NOS3: variants seen among roughly 807,000 people sequenced by gnomAD.
The protein encoded by NOS3 is NOS type III.
Under a neutral mutation model 144.9 loss-of-function variants are expected in NOS3, and 98 were observed. That is an observed-to-expected ratio of 0.68 (90% confidence interval 0.57 to 0.80). NOS3 has a LOEUF of 0.80. NOS3 is among the 30% of genes least tolerant of loss of function. The pLI is 0.00. For synonymous variants in NOS3, 714 were observed against 702.4 expected (o/e 1.02, Z -0.26); for missense variants, 1,465 against 1,656.4 (o/e 0.88, Z 2.01).
intron 5 of NOS3, among the ~76,000 whole-genome samples, chr7:150,997,425 C>T (rs1802456268): frequency 6.6e-6 from 1 of 152,148 alleles, no homozygotes; most frequent in Non-Finnish European, 1.5e-5. Flanking sequence ...CAGTCCAGTG[C>T]AGCCCCTCAC....
intron 1 of NOS3, among the ~76,000 whole-genome samples, chr7:150,991,739 G>A (rs1311786690): frequency 6.6e-6 from 1 of 152,124 alleles, no homozygotes; most frequent in Non-Finnish European, 1.5e-5. Context: ...CTCACACCTG[G>A]AATCCCAGCC....
At position 150,998,337 on chromosome 7, in the gene NOS3, C is replaced by T. The variant is rs142683800; in HGVS notation, c.583-20C>T. ...CGTCTCTCTCCTCACCCTCCTCTCCCGCTGCCTCGGCTGGCTCAGGTGTTC... is the reference window on the plus strand; with the variant it reads ...CGTCTCTCTCCTCACCCTCCTCTCCTGCTGCCTCGGCTGGCTCAGGTGTTC... On this transcript the variant is annotated intron_variant, in intron 5 of 26. Coordinates refer to ENST00000297494, the MANE Select transcript of NOS3 (RefSeq NM_000603.5). This position sits in a 1 kb window ranked among gnomAD's most constrained non-coding sequence, Gnocchi z 5.0. 4,060 of 1,607,312 alleles carry T rather than the reference C, an allele frequency of 2.5e-3. 9 individuals carry two copies. The highest frequency in any genetic ancestry group is 2.9e-3 in the Non-Finnish European group (3,460 of 1,177,306).
Position 151,013,926 on chromosome 7 carries a change from G to A in NOS3, c.3450+8G>A. The A allele has an allele frequency of 6.3e-7, 1 of 1,597,432 alleles. No individual in the cohort carries two copies. Among genetic ancestry groups the A allele is most frequent in the African/African-American group, 1.3e-5 (1 of 74,686 alleles). On this transcript the variant is annotated splice_region_variant and intron_variant, in intron 26 of 26. Coordinates refer to ENST00000297494, the MANE Select transcript of NOS3 (RefSeq NM_000603.5). ...GTCATCGGCGTGCTGCGGGTGCGGAGGGGCGGGCCGGGCCTGAGCGTGCGG... is the reference window on the plus strand; with the variant it reads ...GTCATCGGCGTGCTGCGGGTGCGGAAGGGCGGGCCGGGCCTGAGCGTGCGG...
In NOS3 at chr7:150,998,281, A is replaced by G; in HGVS notation, c.583-76A>G. ...CCATGGCCCCTGCCTCCTCACCAGC[A>G]GCTCCTCTGGAGCTGATACTCAAGA... On this transcript the variant is annotated intron_variant, in intron 5 of 26. Coordinates refer to ENST00000297494, the MANE Select transcript of NOS3 (RefSeq NM_000603.5). The surrounding 1 kb of genome is among the most constrained non-coding windows in gnomAD (Gnocchi z 5.0). 7.4e-7 allele frequency: 1 copy of G among 1,346,946 alleles called. No individual in the cohort carries two copies. The highest frequency in any genetic ancestry group is 1.0e-6 in the Non-Finnish European group (1 of 961,994). The allele number at this position is 1,346,946 out of a possible 1,614,324, so 83.4% of individuals were successfully genotyped here.
In NOS3 at chr7:150,996,933, TG is replaced by T. The variant is rs760629891; in HGVS notation, c.582+10del. 11 of 1,556,284 alleles carry T rather than the reference TG, an allele frequency of 7.1e-6. No homozygotes were observed. In the South Asian group the frequency reaches 1.3e-4, roughly 18 times the overall value. ...CAGTGGGGGAAGCTGCAGGTGCGGC[TG>T]GCCAGCGACTGAGAGACCCGGGCGC... On this transcript the variant is annotated intron_variant, in intron 5 of 26. Coordinates refer to ENST00000297494, the MANE Select transcript of NOS3 (RefSeq NM_000603.5).
At chr7:151,007,912 C>T (rs1328853499) in intron 17 of NOS3, among the ~76,000 whole-genome samples, 1 of 152,134 alleles carries the variant, frequency 6.6e-6, no homozygotes, top group Admixed American at 6.5e-5. Context: ...GCTGCTGTCC[C>T]GGGGCCCAGG....
rs953325985 is a variant in NOS3, at chr7:151,001,249, G to A, written c.1252G>A (p.Val418Met). The stretch of plus-strand genomic sequence containing the variant: ...CTTCCAGCTAGCCAAAGTCACCATC[G>A]TGGACCACCACGCCGCCACGGCCTC... ...HSYQLAKVTI[V>M]DHHAATASFM... The change falls in exon 11 of 27, where the codon GTG (valine) becomes ATG (methionine). Residue 418 changes from valine (V) to methionine (M), a missense_variant. Physicochemically the swap from Val to Met is conservative, Grantham distance 21. This residue lies in a region of NOS3 where 745 missense variants were observed against 853.9 expected (regional missense o/e 0.87). Coordinates refer to ENST00000297494, the MANE Select transcript of NOS3 (RefSeq NM_000603.5). The A allele has an allele frequency of 1.9e-5, 30 of 1,613,326 alleles. No individual in the cohort carries two copies. Among genetic ancestry groups the A allele is most frequent in the South Asian group, 5.5e-5 (5 of 91,084 alleles).
chr7:150,996,686 T>G, intron 4 of NOS3, 77 bp from the exon 5 acceptor site: 1 of 1,532,008 alleles, frequency 6.5e-7, no homozygotes, highest in Non-Finnish European at 8.9e-7. Context: ...CCCCAGCACT[T>G]GCACAAAGCC....
Position 150,998,051 on chromosome 7 carries a change from C to T in NOS3, c.583-306C>T, listed in dbSNP as rs1338241106. ...ACTCCTAGGCGGCCTCTTAGACATC[C>T]GTTGGTGCCTAACCCAAGCATCAGT... is the stretch of plus-strand genomic sequence containing the variant. On this transcript the variant is annotated intron_variant, in intron 5 of 26. Transcript: ENST00000297494. This position sits in a 1 kb window ranked among gnomAD's most constrained non-coding sequence, Gnocchi z 5.0. Among the ~76,000 whole-genome samples the T allele has an allele frequency of 2.6e-5, 4 of 152,206 alleles. No individual in the cohort carries two copies. Among genetic ancestry groups the T allele is most frequent in the South Asian group, 4.1e-4 (2 of 4,832 alleles).
chr7:151,004,436 A>G (rs1795175734), intron 14 of NOS3, among the ~76,000 whole-genome samples: 2 of 152,236 alleles, frequency 1.3e-5, no homozygotes, highest in South Asian at 2.1e-4. Flanking sequence ...ATTTTATCCC[A>G]AATTTTTAAC....
At chr7:150,997,256 C>G (rs1802452337) in intron 5 of NOS3, among the ~76,000 whole-genome samples, 1 of 151,548 alleles carries the variant, frequency 6.6e-6, no homozygotes, top group Non-Finnish European at 1.5e-5. Context: ...GTGAGGAAGT[C>G]TAGACCTGCT....
At chr7:151,004,061 G>A (rs1795169014) in intron 14 of NOS3, 1 of 220,184 alleles carries the variant, frequency 4.5e-6, no homozygotes. Flanking sequence ...GCCAGGCCAG[G>A]CGCGGTGGCT....
intron 21 of NOS3, 125 bp downstream of exon 21, chr7:151,010,412 G>C: frequency 9.3e-7 from 1 of 1,073,036 alleles, no homozygotes; most frequent in South Asian, 1.6e-5. Context: ...ACATGCACTG[G>C]TGCTTTAAGA....
Position 151,014,225 on chromosome 7 carries a change from G to T in NOS3, c.*56G>T. The T allele has an allele frequency of 6.6e-7, 1 of 1,518,390 alleles. No individual in the cohort carries two copies. The highest frequency in any genetic ancestry group is 8.9e-7 in the Non-Finnish European group (1 of 1,126,664). 94.1% of individuals were successfully genotyped at this position (1,518,390 alleles called of 1,614,324 possible). A position where few individuals can be genotyped will look rare whatever the true frequency, so the allele number is the denominator to read the frequency against. On this transcript the variant is annotated 3_prime_UTR_variant, in exon 27 of 27. Transcript: ENST00000297494. ...GAGAGCGGCTGCCCGACTCAGGTCC[G>T]CCCGACCAGGATCAGCCCCGCTCCT...
chr7:150,998,402 T>C lies in NOS3; in HGVS notation c.628T>C (p.Tyr210His). The change falls in exon 6 of 27, where the codon TAC becomes CAC. Residue 210 changes from tyrosine (Y) to histidine (H), a missense_variant. Tyr to His is a moderately conservative substitution (Grantham distance 83). This residue lies in a region of NOS3 where 374 missense variants were observed against 377.0 expected (regional missense o/e 0.99). Coordinates refer to ENST00000297494, the MANE Select transcript of NOS3 (RefSeq NM_000603.5). This position sits in a 1 kb window ranked among gnomAD's most constrained non-coding sequence, Gnocchi z 5.0. ...CAGGTCTGCACAGGAAATGTTCACC[T>C]ACATCTGCAACCACATCAAGTATGC... is the stretch of plus-strand genomic sequence containing the variant. ...DCRSAQEMFT[Y>H]ICNHIKYATN... is the part of the protein sequence containing the mutation. 1 of 1,612,550 alleles carries C rather than the reference T, an allele frequency of 6.2e-7. No individual in the cohort carries two copies. The highest frequency in any genetic ancestry group is 1.7e-4 in the Middle Eastern group (1 of 6,060).
intron 16 of NOS3, 46 bp downstream of exon 16, chr7:151,007,051 G>A (rs748108876): frequency 6.2e-7 from 1 of 1,613,994 alleles, no homozygotes; most frequent in Non-Finnish European, 8.5e-7. Flanking sequence ...CAAGCTGCCT[G>A]GGCAAACGTG....
chr7:150,999,431 C>T (rs931231303), intron 9 of NOS3, 67 bp downstream of exon 9: 2 of 1,481,348 alleles, frequency 1.4e-6, no homozygotes, highest in African/African-American at 2.8e-5. Flanking sequence ...GCTCTCACTC[C>T]ATCCCCAAAA....
chr7:150,992,496 C>G (rs963706493), intron 1 of NOS3, among the ~76,000 whole-genome samples: 6 of 152,170 alleles, frequency 3.9e-5, no homozygotes, highest in East Asian at 1.9e-4. Flanking sequence ...GCAGGGCACA[C>G]TAGTGTCCAG....
Position 151,010,281 on chromosome 7 carries a change from C to G in NOS3, c.2679C>G (p.Leu893=). ...EPREQQELEA[L]SQDPRRYEEW... is the part of the protein sequence containing the mutation. ...GGGAACAGCAGGAGCTGGAGGCCCT[C>G]AGCCAGGTTGGGGGCCACCCCAATG... The change falls in exon 21 of 27, where the codon CTC becomes CTG. Residue 893 remains leucine (L), a synonymous_variant. Transcript: ENST00000297494. The G allele has an allele frequency of 6.2e-7, 1 of 1,612,090 alleles. No individual in the cohort carries two copies. The highest frequency in any genetic ancestry group is 8.5e-7 in the Non-Finnish European group (1 of 1,179,484).
Sources: allele counts gnomAD v4.1 joint callset (sites outside exome capture counted in the v4.1 genomes callset), GRCh38; gene constraint gnomAD v4.1.1; regional missense constraint gnomAD v4.1.1; non-coding constraint Gnocchi (gnomAD v3.1); transcripts MANE v1.5; gene names NCBI Gene and HGNC (gene_info 2026-07-23, HGNC 2026-07-21).